The following DNAH1 variants were observed in gnomAD, a reference collection of about 807,000 sequenced individuals.
DNAH1 encodes axonemal beta dynein heavy chain 1.
DNAH1 carries 327 observed loss-of-function variants against 484.3 expected under a neutral mutation model. The ratio of observed to expected loss-of-function variants is 0.68; its 90% CI spans 0.62 to 0.74. The LOEUF (loss-of-function observed/expected upper bound fraction) is 0.74, where lower values mean the gene tolerates loss of function less well. Among genes scored for constraint, DNAH1 ranks in the 30% least tolerant of loss-of-function variants. DNAH1 has a pLI of 0.00. For missense variants in DNAH1, 5,052 were observed against 5,546.8 expected (o/e 0.91, Z 2.83); for synonymous variants, 2,192 against 2,191.9 (o/e 1.00, Z 0.00).
intron 7 of DNAH1, 104 bp from the exon 8 acceptor site, chr3:52,332,038 T>A: frequency 1.4e-6 from 2 of 1,404,986 alleles, no homozygotes; most frequent in Non-Finnish European, 1.9e-6. Context: ...GGAAACAATT[T>A]GTTCAGGGCC....
In DNAH1 at chr3:52,389,502, G is replaced by C. The variant is rs1423494787; in HGVS notation, c.9537G>C (p.Gln3179His). ...TGCTCTACGACAGCTGGGTCAAGCA[G>C]CTCAGGAGCCACAATGTCCCACACA... ...RTVLYDSWVK[Q>H]LRSHNVPHTS... Residue 3179 changes from glutamine (Q) to histidine (H), a missense_variant, in exon 60 of 78, where the codon CAG becomes CAC. Coordinates refer to ENST00000420323, the MANE Select transcript of DNAH1 (RefSeq NM_015512.5). The C allele has an allele frequency of 6.2e-7, 1 of 1,603,092 alleles. No individual in the cohort carries two copies.
At chr3:52,354,678 G>A (rs1702532848) in intron 20 of DNAH1, among the ~76,000 whole-genome samples, 165 bp from the exon 21 acceptor site, 1 of 151,974 alleles carries the variant, frequency 6.6e-6, no homozygotes, top group South Asian at 2.1e-4. Context: ...ATTCAGATGA[G>A]GGGCTCACAC....
At chr3:52,337,768 A>G (rs1011840527) in intron 8 of DNAH1, among the ~76,000 whole-genome samples, 12 of 152,130 alleles carry the variant, frequency 7.9e-5, no homozygotes, top group African/African-American at 2.9e-4. Flanking sequence ...ACCCTTTAGT[A>G]TCTGTCCTGT....
At chr3:52,392,371 C>A in intron 63 of DNAH1, 93 bp from the exon 64 acceptor site, 1 of 1,179,678 alleles carries the variant, frequency 8.5e-7, no homozygotes, top group Non-Finnish European at 1.2e-6. Flanking sequence ...CTCTTGGAGC[C>A]CCAGAAGCAC....
intron 8 of DNAH1, among the ~76,000 whole-genome samples, chr3:52,333,536 C>T (rs1337489201): frequency 5.3e-5 from 8 of 151,874 alleles, no homozygotes; most frequent in African/African-American, 1.7e-4. Flanking sequence ...TAAAGGCACC[C>T]GCCACTATGC....
At chr3:52,329,009 A>G (rs1295921844) in intron 6 of DNAH1, among the ~76,000 whole-genome samples, 1 of 152,258 alleles carries the variant, frequency 6.6e-6, no homozygotes, top group Non-Finnish European at 1.5e-5. Flanking sequence ...TTTTAAAAAC[A>G]TCTTAATGCT....
rs1294741438 is a variant in DNAH1, at chr3:52,390,982, C to T, written c.9669C>T (p.Ile3223=). ...CACTGTCAGTGGAGAACGGGGTCATCAACCAGTTTTCCCAGCGCTGGACCC... is the reference window on the plus strand; with the variant it reads ...CACTGTCAGTGGAGAACGGGGTCATTAACCAGTTTTCCCAGCGCTGGACCC... ...NDTLSVENGV[I]NQFSQRWTHF... The change falls in exon 61 of 78, where the codon ATC becomes ATT. Residue 3223 remains isoleucine, a synonymous_variant. Coordinates refer to ENST00000420323, the MANE Select transcript of DNAH1 (RefSeq NM_015512.5). 6.4e-7 allele frequency: 1 copy of T among 1,553,072 alleles called. No homozygotes were observed. Among genetic ancestry groups the T allele is most frequent in the Non-Finnish European group, 8.7e-7 (1 of 1,147,750 alleles).
In DNAH1 at chr3:52,364,978, TC is replaced by T. The variant is rs1559534062; in HGVS notation, c.5479del (p.Arg1827AlafsTer16). On this transcript the variant is annotated frameshift_variant, in exon 34 of 78. Transcript: ENST00000420323. LOFTEE classifies it high-confidence loss of function. The surrounding 1 kb of genome is among the most constrained non-coding windows in gnomAD (Gnocchi z 4.2). ...DTDYGILDEA[I>X]REACRNSNLK... ...GACTACGGCATCCTGGATGAGGCCATCCGCGAGGCCTGCAGGAACAGCAACC... is the reference window on the plus strand; with the variant it reads ...GACTACGGCATCCTGGATGAGGCCATCGCGAGGCCTGCAGGAACAGCAACC... 1 of 1,613,510 alleles carries T rather than the reference TC, an allele frequency of 6.2e-7. No homozygotes were observed. Among genetic ancestry groups the T allele is most frequent in the South Asian group, 1.1e-5 (1 of 91,084 alleles).
At chr3:52,378,134 G>A (rs1169910795) in intron 46 of DNAH1, among the ~76,000 whole-genome samples, 1 of 152,150 alleles carries the variant, frequency 6.6e-6, no homozygotes, top group East Asian at 1.9e-4. Context: ...TGCAGGCTGA[G>A]GGGTAGGCAG....
intron 14 of DNAH1, 142 bp from the exon 15 acceptor site, chr3:52,349,847 C>A: frequency 8.0e-7 from 1 of 1,255,698 alleles, no homozygotes; most frequent in South Asian, 1.5e-5. Flanking sequence ...CCAGGAGCAC[C>A]CCTCTTGGAA....
chr3:52,319,962 C>T (rs778702554), intron 1 of DNAH1, among the ~76,000 whole-genome samples: 3 of 152,196 alleles, frequency 2.0e-5, no homozygotes, highest in Non-Finnish European at 4.4e-5. Context: ...ATTCCTTTTG[C>T]CCCCAGCAAC....
Position 52,394,669 on chromosome 3 carries a change from G to C in DNAH1, c.10823+8G>C, listed in dbSNP as rs1451677300. The C allele has an allele frequency of 6.4e-7, 1 of 1,558,836 alleles. No homozygotes were observed. The highest frequency in any genetic ancestry group is 1.4e-5 in the African/African-American group (1 of 73,774). ...CAGCCTTGAGCCCCACCGGTTAGCT[G>C]GGCCCCAGAATATGGCAGGATGAGC... On this transcript the variant is annotated splice_region_variant and intron_variant, in intron 67 of 77. Coordinates refer to ENST00000420323, the MANE Select transcript of DNAH1 (RefSeq NM_015512.5).
intron 70 of DNAH1, 110 bp from the exon 71 acceptor site, chr3:52,396,258 C>A: frequency 8.2e-7 from 1 of 1,226,750 alleles, no homozygotes; most frequent in Non-Finnish European, 1.1e-6. Context: ...AACCAGTTGT[C>A]TGTGCAGCCT....
intron 8 of DNAH1, among the ~76,000 whole-genome samples, chr3:52,334,571 T>G (rs1467381333): frequency 6.6e-6 from 1 of 152,066 alleles, no homozygotes; most frequent in East Asian, 1.9e-4. Context: ...GGTGGATTGA[T>G]TGAGGCCAGG....
At chr3:52,398,315 C>G (rs1171405305) in intron 75 of DNAH1, among the ~76,000 whole-genome samples, 153 bp downstream of exon 75, 3 of 152,178 alleles carry the variant, frequency 2.0e-5, no homozygotes, top group Non-Finnish European at 2.9e-5. Context: ...CGGAGTCTCT[C>G]TCTGTTGCCA....
Position 52,345,727 on chromosome 3 carries a change from C to T in DNAH1, c.1656+21C>T, listed in dbSNP as rs368339507. On this transcript the variant is annotated intron_variant, in intron 10 of 77. Coordinates refer to ENST00000420323, the MANE Select transcript of DNAH1 (RefSeq NM_015512.5). The stretch of plus-strand genomic sequence containing the variant: ...CCCAGGTTTGTGGGCATCAAGGGCA[C>T]AGGGGGCAAACGCAGGGCAGACCCT... 7 of 1,604,466 alleles carry T rather than the reference C, an allele frequency of 4.4e-6. No homozygotes were observed. In the African/African-American group the frequency reaches 8.0e-5, roughly 18 times the overall value.
At chr3:52,392,259 G>T (rs959861464) in intron 63 of DNAH1, among the ~76,000 whole-genome samples, 1 of 152,206 alleles carries the variant, frequency 6.6e-6, no homozygotes, top group African/African-American at 2.4e-5. Context: ...GCCACCCAAG[G>T]TCTCACTGAG....
chr3:52,328,585 T>G (rs1167220984), intron 6 of DNAH1, among the ~76,000 whole-genome samples: 1 of 152,262 alleles, frequency 6.6e-6, no homozygotes, highest in African/African-American at 2.4e-5. Context: ...CCATGCCCAC[T>G]TGATGCCACA....
At position 52,346,626 on chromosome 3, in the gene DNAH1, A is replaced by G. The variant is rs1004052136; in HGVS notation, c.1811A>G (p.Lys604Arg). The change falls in exon 11 of 78, where the codon AAG (lysine) becomes AGG (arginine). Residue 604 changes from lysine to arginine, a missense_variant. By Grantham distance (26) the Lys-to-Arg change is conservative. This residue lies in a region of DNAH1 where 1,263 missense variants were observed against 1,218.8 expected (regional missense o/e 1.04). Transcript: ENST00000420323. ...CTGCGCAAGCTGATGGAGCTGGTGAAGTACATGCTGCAGGACACACTGCGC... is the reference window on the plus strand; with the variant it reads ...CTGCGCAAGCTGATGGAGCTGGTGAGGTACATGCTGCAGGACACACTGCGC... The part of the protein sequence containing the change: ...SKLRKLMELV[K>R]YMLQDTLRFL... 1 of 1,613,946 alleles carries G rather than the reference A, an allele frequency of 6.2e-7. No individual in the cohort carries two copies.
Sources: gnomAD v4.1 joint callset for allele counts (sites outside exome capture counted in the v4.1 genomes callset) on GRCh38, gnomAD v4.1.1 for gene constraint, gnomAD v4.1.1 regional missense constraint, Gnocchi (gnomAD v3.1) non-coding constraint, MANE v1.5 for transcripts, NCBI Gene and HGNC (gene_info 2026-07-23, HGNC 2026-07-21) for gene names.